The following PLXNA4 variants were observed in gnomAD, a reference collection of about 807,000 sequenced individuals.
The protein encoded by PLXNA4 is plexin A4, also known as plexin-A4.
In PLXNA4, 44 loss-of-function variants were observed where a neutral mutation model predicts 191.8. That is an observed-to-expected ratio of 0.23 (90% CI 0.18 to 0.29). PLXNA4 has a LOEUF of 0.29. Ranked by LOEUF, PLXNA4 falls within the 10% of genes least tolerant of loss-of-function variation. The probability of loss-of-function intolerance (pLI) is 1.00; values close to 1 mark genes in which losing one functional copy is unlikely to be tolerated. For synonymous variants in PLXNA4, 1,082 were observed against 1,009.5 expected (o/e 1.07, Z -1.36); for missense variants, 1,800 against 2,488.8 (o/e 0.72, Z 5.89).
intron 2 of PLXNA4, among the ~76,000 whole-genome samples, chr7:132,604,729 A>T (rs910127969): frequency 7.3e-5 from 11 of 151,714 alleles, no homozygotes; most frequent in African/African-American, 2.7e-4. Flanking sequence ...TAAACTTATC[A>T]TTATTCAATA....
intron 3 of PLXNA4, among the ~76,000 whole-genome samples, chr7:132,483,572 T>C (rs537144479): frequency 6.6e-6 from 1 of 152,372 alleles, no homozygotes; most frequent in South Asian, 2.1e-4. Context: ...GACATTTGTG[T>C]ATCAGCTGAC....
intron 3 of PLXNA4, among the ~76,000 whole-genome samples, chr7:132,392,871 G>T (rs190719034): frequency 3.3e-5 from 5 of 152,092 alleles, no homozygotes; most frequent in Admixed American, 2.6e-4. Context: ...CAAAACAGGC[G>T]TGATCATTCA....
At chr7:132,309,259 T>C (rs1448039432) in intron 3 of PLXNA4, among the ~76,000 whole-genome samples, 1 of 152,002 alleles carries the variant, frequency 6.6e-6, no homozygotes, top group African/African-American at 2.4e-5. Context: ...GGAGGGGAAG[T>C]GGAGAACCAC....
intron 30 of PLXNA4, among the ~76,000 whole-genome samples, chr7:132,134,461 G>A (rs893324144): frequency 1.6e-4 from 25 of 152,208 alleles, no homozygotes; most frequent in Admixed American, 8.5e-4. Context: ...GCATCCCTGG[G>A]CTAGTGAGGG....
Position 132,172,186 on chromosome 7 carries a change from C to T in PLXNA4, c.4017+2592G>A, listed in dbSNP as rs571723618. On this transcript the variant is annotated intron_variant, in intron 21 of 31. Coordinates refer to ENST00000321063, the MANE Select transcript of PLXNA4 (RefSeq NM_020911.2). ...CTGAAACAAGACTTTCTTTATTCAC[C>T]AGATGGTTCTCTAATTTAGTTGAAG... 3.3e-5 allele frequency among the ~76,000 whole-genome samples: 5 copies of T among 152,328 alleles called. No homozygotes were observed. The East Asian group carries it at 9.7e-4, about 29-fold the overall frequency.
intron 3 of PLXNA4, among the ~76,000 whole-genome samples, chr7:132,377,192 G>A (rs1804691899): frequency 6.6e-6 from 1 of 152,086 alleles, no homozygotes. Context: ...CAGCAGCCTT[G>A]TTTACTGGGA....
intron 3 of PLXNA4, among the ~76,000 whole-genome samples, chr7:132,318,033 G>A (rs191361952): frequency 6.6e-6 from 1 of 152,318 alleles, no homozygotes; most frequent in East Asian, 1.9e-4. Context: ...CTGAAGACCC[G>A]AGTAACCCGG....
At chr7:132,557,493 C>A (rs529456370) in intron 1 of PLXNA4, among the ~76,000 whole-genome samples, 11 of 151,392 alleles carry the variant, frequency 7.3e-5, no homozygotes, top group African/African-American at 2.7e-4. Context: ...TACCAAGGAG[C>A]CCTTGAATAA....
intron 1 of PLXNA4, among the ~76,000 whole-genome samples, chr7:132,521,404 A>C (rs1799178290): frequency 6.6e-6 from 1 of 152,176 alleles, no homozygotes; most frequent in South Asian, 2.1e-4. Flanking sequence ...CATGTCATAC[A>C]TCATAAGGAG....
intron 1 of PLXNA4, among the ~76,000 whole-genome samples, chr7:132,521,177 TGAAAAA>T (rs1202851181): frequency 1.5e-3 from 175 of 115,624 alleles, no homozygotes; most frequent in African/African-American, 5.5e-3. Flanking sequence ...ATTTGCTCCT[TGAAAAA>T]AAAAAAAAAA....
chr7:132,538,764 G>A (rs907337642), intron 1 of PLXNA4, among the ~76,000 whole-genome samples: 12 of 152,194 alleles, frequency 7.9e-5, no homozygotes, highest in East Asian at 1.9e-4. Context: ...ATTATCTCCC[G>A]GCTTCCCACA....
intron 26 of PLXNA4, 118 bp from the exon 27 acceptor site, chr7:132,148,117 G>A: frequency 1.3e-6 from 2 of 1,487,500 alleles, no homozygotes; most frequent in Non-Finnish European, 9.1e-7. Flanking sequence ...GGAGAACTAG[G>A]GGACTTTGGA....
At chr7:132,172,476 C>T (rs1796317368) in intron 21 of PLXNA4, among the ~76,000 whole-genome samples, 2 of 152,172 alleles carry the variant, frequency 1.3e-5, no homozygotes, top group African/African-American at 4.8e-5. Flanking sequence ...AAGCAGGAAC[C>T]CCAGTGGCTG....
rs773826880 is a variant in PLXNA4 at position 132,648,513 on chromosome 7, C to T, written c.-203+1G>A. The T allele has an allele frequency of 2.0e-5, 3 of 152,224 alleles. No individual in the cohort carries two copies. The highest frequency in any genetic ancestry group is 4.8e-5 in the African/African-American group (2 of 41,438). The allele number at this position is 152,224 out of a possible 1,614,324, so 9.4% of individuals were successfully genotyped here. A position where few individuals can be genotyped will look rare whatever the true frequency, so the allele number is the denominator to read the frequency against. ...GGGCTCCTCCGCCCAATGCTTTTTA[C>T]CTTTTCGGGGTAATTAAAGCAGAAG... On this transcript the variant is annotated splice_donor_variant, in intron 1 of 4. Transcript: ENST00000378539. LOFTEE classifies it low-confidence loss of function (5UTR_SPLICE).
In PLXNA4 at chr7:132,384,652, T is replaced by G. The variant is rs575175030; in HGVS notation, c.1372-86430A>C. 938 of 993,934 alleles carry G rather than the reference T, an allele frequency of 9.4e-4. 1 individual carries two copies. Among genetic ancestry groups the G allele is most frequent in the Non-Finnish European group, 1.1e-3 (902 of 834,958 alleles). 61.6% of individuals were successfully genotyped at this position (993,934 alleles called of 1,614,324 possible). A position where few individuals can be genotyped will look rare whatever the true frequency, so the allele number is the denominator to read the frequency against. Reference sequence around the variant, plus strand: ...TTTCCCGCAGAGGCTGGGATGGTTCTGAGCACTGAGTTAATTACATGATGC... The same window carrying G: ...TTTCCCGCAGAGGCTGGGATGGTTCGGAGCACTGAGTTAATTACATGATGC... On this transcript the variant is annotated intron_variant, in intron 3 of 31. Transcript: ENST00000321063.
intron 3 of PLXNA4, among the ~76,000 whole-genome samples, chr7:132,486,922 C>T (rs1370491437): frequency 3.9e-5 from 6 of 152,136 alleles, no homozygotes; most frequent in Admixed American, 2.6e-4. Context: ...TGATCCCAAA[C>T]TCATGGTGCT....
intron 22 of PLXNA4, among the ~76,000 whole-genome samples, chr7:132,166,026 C>T (rs1289322591): frequency 2.6e-5 from 4 of 152,020 alleles, no homozygotes; most frequent in African/African-American, 9.7e-5. Flanking sequence ...GTGAAACCCC[C>T]TCTCTACTAA....
intron 3 of PLXNA4, among the ~76,000 whole-genome samples, chr7:132,380,860 C>A (rs1026110940): frequency 2.0e-5 from 3 of 152,204 alleles, no homozygotes; most frequent in African/African-American, 4.8e-5. Context: ...CCAAGAGCCA[C>A]GCCTTAGGGG....
chr7:132,261,687 C>G (rs1799651034), intron 4 of PLXNA4, among the ~76,000 whole-genome samples: 2 of 152,198 alleles, frequency 1.3e-5, no homozygotes, highest in South Asian at 2.1e-4. Flanking sequence ...AGGACCCGGG[C>G]AGCTGCCGGC....
Sources: gnomAD v4.1 joint callset for allele counts (sites outside exome capture counted in the v4.1 genomes callset) on GRCh38, gnomAD v4.1.1 for gene constraint, MANE v1.5 for transcripts, NCBI Gene and HGNC (gene_info 2026-07-23, HGNC 2026-07-21) for gene names.